The following GRIA4 variants were observed in gnomAD, a reference collection of about 807,000 sequenced individuals.
GRIA4 encodes the protein glutamate ionotropic receptor AMPA type subunit 4.
A neutral mutation model predicts 104.0 loss-of-function variants in GRIA4; 34 were observed. That is an observed-to-expected ratio of 0.33 (90% CI 0.25 to 0.44). The LOEUF is 0.44. Among genes scored for constraint, GRIA4 ranks in the 20% least tolerant of loss-of-function variants. GRIA4 has a pLI of 1.00. For synonymous variants in GRIA4, 386 were observed against 381.9 expected, an observed-to-expected ratio of 1.01 and a Z score of -0.13; for missense variants, 750 against 1,096.5, an observed-to-expected ratio of 0.68 and a Z score of 4.46.
chr11:105,765,133 C>G (rs915292232), intron 4 of GRIA4, among the ~76,000 whole-genome samples: 2 of 151,968 alleles, frequency 1.3e-5, no homozygotes, highest in South Asian at 4.2e-4. Flanking sequence ...GCATTGATGC[C>G]GTATAATATC....
intron 3 of GRIA4, among the ~76,000 whole-genome samples, chr11:105,684,525 T>G (rs1328249335): frequency 9.0e-6 from 1 of 110,616 alleles, no homozygotes; most frequent in Non-Finnish European, 1.9e-5. Context: ...TGAGTAAAAA[T>G]AAGGCAAATA....
At chr11:105,730,696 C>T (rs1447115097) in intron 3 of GRIA4, among the ~76,000 whole-genome samples, 1 of 152,178 alleles carries the variant, frequency 6.6e-6, no homozygotes, top group African/African-American at 2.4e-5. Flanking sequence ...ACCAATGGAA[C>T]AGAACGGAGT....
At chr11:105,866,664 G>A (rs975012067) in intron 5 of GRIA4, among the ~76,000 whole-genome samples, 2 of 147,758 alleles carry the variant, frequency 1.4e-5, no homozygotes, top group African/African-American at 2.5e-5. Context: ...CTCCTGTCTG[G>A]TTAACTAAGG....
chr11:105,717,176 A>G (rs570127706), intron 3 of GRIA4, among the ~76,000 whole-genome samples: 1 of 152,240 alleles, frequency 6.6e-6, no homozygotes, highest in Non-Finnish European at 1.5e-5. Context: ...GGAGCTAAGA[A>G]TTCCTGAAAT....
chr11:105,845,987 C>T (rs912988589), intron 4 of GRIA4, among the ~76,000 whole-genome samples: 1 of 152,158 alleles, frequency 6.6e-6, no homozygotes, highest in African/African-American at 2.4e-5. Context: ...AGAGTAAACA[C>T]TCAGTAAATG....
At chr11:105,758,577 C>A (rs142651800) in intron 4 of GRIA4, among the ~76,000 whole-genome samples, 5 of 152,212 alleles carry the variant, frequency 3.3e-5, no homozygotes, top group Non-Finnish European at 7.4e-5. Context: ...TGATGGAACA[C>A]CTTGCCTCAA....
chr11:105,896,719 T>C (rs1946663610), intron 6 of GRIA4, among the ~76,000 whole-genome samples: 1 of 152,142 alleles, frequency 6.6e-6, no homozygotes, highest in Admixed American at 6.6e-5. Flanking sequence ...CAGTTGGTTG[T>C]AGGTATGTGA....
intron 4 of GRIA4, among the ~76,000 whole-genome samples, chr11:105,790,966 T>C (rs908873489): frequency 1.3e-5 from 2 of 152,172 alleles, no homozygotes; most frequent in Non-Finnish European, 2.9e-5. Flanking sequence ...TTCTACTCTA[T>C]TTATCATCAT....
intron 4 of GRIA4, among the ~76,000 whole-genome samples, chr11:105,856,459 G>C (rs537439513): frequency 1.7e-4 from 26 of 152,124 alleles, no homozygotes; most frequent in African/African-American, 6.3e-4. Context: ...AATGTGACCT[G>C]CTATGCAAGA....
chr11:105,688,665 G>A (rs1477773768), intron 3 of GRIA4, among the ~76,000 whole-genome samples: 1 of 152,214 alleles, frequency 6.6e-6, no homozygotes, highest in African/African-American at 2.4e-5. Context: ...ACAGAATTGT[G>A]TTAAGTGATG....
rs1285298541 is a variant in GRIA4, at chr11:105,726,677, A to G, written c.248-26304A>G. Among the ~76,000 whole-genome samples, 5 of 152,164 alleles carry G rather than the reference A, an allele frequency of 3.3e-5. No individual in the cohort carries two copies. In the East Asian group the frequency reaches 9.7e-4, roughly 29 times the overall value. ...GGTCCCCCTCTGGAACGAAGCTTCC[A>G]GAGGAAGGAGCAGGCAGCAATCTTT... is the stretch of plus-strand genomic sequence containing the variant. On this transcript the variant is annotated intron_variant, in intron 3 of 16. Coordinates refer to ENST00000282499, the MANE Select transcript of GRIA4 (RefSeq NM_000829.4).
intron 4 of GRIA4, among the ~76,000 whole-genome samples, chr11:105,821,462 GA>G (rs1237049388): frequency 5.3e-5 from 8 of 151,966 alleles, no homozygotes; most frequent in Non-Finnish European, 1.2e-4. Context: ...GGCTTCTGAT[GA>G]GGCTTAAGGA....
At chr11:105,803,688 C>T (rs1435128247) in intron 4 of GRIA4, among the ~76,000 whole-genome samples, 2 of 151,668 alleles carry the variant, frequency 1.3e-5, no homozygotes, top group Non-Finnish European at 2.9e-5. Context: ...TTAAGCAACA[C>T]ACATTGTATA....
intron 3 of GRIA4, among the ~76,000 whole-genome samples, chr11:105,735,372 A>T (rs1481417111): frequency 6.6e-6 from 1 of 152,190 alleles, no homozygotes; most frequent in Non-Finnish European, 1.5e-5. Flanking sequence ...AATACTACTG[A>T]TTAAATATTT....
chr11:105,773,817 G>A (rs1270421397), intron 4 of GRIA4, among the ~76,000 whole-genome samples: 1 of 151,006 alleles, frequency 6.6e-6, no homozygotes, highest in Non-Finnish European at 1.5e-5. Context: ...GATAATCTAT[G>A]GTCGATAACA....
In GRIA4 at chr11:105,979,959, T is replaced by G; in HGVS notation, c.*220T>G. The G allele has an allele frequency of 4.6e-6, 2 of 436,512 alleles. No homozygotes were observed. The highest frequency in any genetic ancestry group is 4.0e-5 in the South Asian group (1 of 24,750). 27.0% of individuals were successfully genotyped at this position (436,512 alleles called of 1,614,324 possible). ...ATTTTATATCAGGAAAACTCACAAT[T>G]GAGGTTTTTTTCGGGGAGTGGGTGG... is the stretch of plus-strand genomic sequence containing the variant. On this transcript the variant is annotated 3_prime_UTR_variant, in exon 17 of 17. Transcript: ENST00000282499.
At chr11:105,938,354 G>T (rs1315044031) in intron 14 of GRIA4, among the ~76,000 whole-genome samples, 3 of 151,898 alleles carry the variant, frequency 2.0e-5, no homozygotes, top group African/African-American at 7.3e-5. Flanking sequence ...GTCTTTTTTT[G>T]GTATTATAAA....
intron 3 of GRIA4, among the ~76,000 whole-genome samples, chr11:105,685,796 G>T (rs1432347243): frequency 1.9e-5 from 2 of 103,584 alleles, no homozygotes; most frequent in Non-Finnish European, 3.9e-5. Context: ...TGGATTACTT[G>T]TGCAAGAAAA....
At chr11:105,778,942 C>T (rs1343161523) in intron 4 of GRIA4, among the ~76,000 whole-genome samples, 1 of 99,192 alleles carries the variant, frequency 1.0e-5, no homozygotes, top group Non-Finnish European at 1.9e-5. Flanking sequence ...CCCCTCCCCC[C>T]ACCCTACAAC....
Sources: allele counts gnomAD v4.1 joint callset (sites outside exome capture counted in the v4.1 genomes callset), GRCh38; gene constraint gnomAD v4.1.1; transcripts MANE v1.5; gene names NCBI Gene and HGNC (gene_info 2026-07-23, HGNC 2026-07-21).